Variants in CROCC2 observed in about 807,000 individuals in gnomAD.
The protein encoded by CROCC2 is ciliary rootlet coiled-coil, rootletin family member 2.
A neutral mutation model predicts 177.6 loss-of-function variants in CROCC2; 163 were observed. The observed-to-expected ratio is 0.92, with a 90% CI of 0.81 to 1.05. CROCC2 has a LOEUF of 1.05. Among genes scored for constraint, CROCC2 ranks in the 50% least tolerant of loss-of-function variants. The pLI, the probability that CROCC2 is intolerant of heterozygous loss-of-function variation, is 0.00. For synonymous variants in CROCC2, 904 were observed against 787.3 expected (o/e 1.15, Z -2.48); for missense variants, 1,929 against 1,797.8 (o/e 1.07, Z -1.32).
Position 240,925,831 on chromosome 2 carries a change from T to C in CROCC2, c.596T>C (p.Val199Ala). The change falls in exon 5 of 32, where the codon GTG becomes GCG. Residue 199 changes from valine (V) to alanine (A), a missense_variant. This residue lies in a region of CROCC2 where 1,397 missense variants were observed against 1,239.9 expected (regional missense o/e 1.13). Coordinates refer to ENST00000690015, the MANE Select transcript of CROCC2 (RefSeq NM_001351305.2). ...GRELAGMTGS[V>A]QRLQGELELR... ...GAGCTGGCCGGGATGACGGGCAGCG[T>C]GCAGCGCCTGCAGGGCGAGCTGGAG... The C allele has an allele frequency of 1.4e-6, 1 of 716,170 alleles. No individual in the cohort carries two copies. The highest frequency in any genetic ancestry group is 2.7e-5 in the East Asian group (1 of 37,286). The allele number at this position is 716,170 out of a possible 1,614,324, so 44.4% of individuals were successfully genotyped here. A position where few individuals can be genotyped will look rare whatever the true frequency, so the allele number is the denominator to read the frequency against.
At chr2:240,961,067 G>A (rs1014615191) in intron 20 of CROCC2, among the ~76,000 whole-genome samples, 14 of 152,014 alleles carry the variant, frequency 9.2e-5, no homozygotes, top group African/African-American at 3.1e-4. Flanking sequence ...GCTAAAAGCT[G>A]AGGACGGTTA....
chr2:240,988,532 C>T (rs1392899967), intron 28 of CROCC2, among the ~76,000 whole-genome samples: 1 of 152,196 alleles, frequency 6.6e-6, no homozygotes, highest in Admixed American at 6.5e-5. Context: ...TATGCTCCTC[C>T]TTAAGCTGTC....
chr2:240,950,612 C>G, intron 18 of CROCC2, 102 bp downstream of exon 18: 2 of 1,189,152 alleles, frequency 1.7e-6, no homozygotes, highest in Non-Finnish European at 2.3e-6. Context: ...TAGGCAGGTC[C>G]AACCGCCTAC....
intron 27 of CROCC2, among the ~76,000 whole-genome samples, chr2:240,968,571 T>TG (rs141873895): frequency 0.011 from 1,674 of 151,992 alleles, 29 homozygotes; most frequent in African/African-American, 0.037. Flanking sequence ...GCACAGCGAG[T>TG]GGGGGGCAGA....
intron 14 of CROCC2, among the ~76,000 whole-genome samples, chr2:240,937,583 G>T (rs1208491859): frequency 6.6e-6 from 1 of 152,104 alleles, no homozygotes; most frequent in Non-Finnish European, 1.5e-5. Context: ...TCTAGGTTCT[G>T]TCTGAAAAAT....
chr2:240,933,571 CAG>C, intron 10 of CROCC2, 97 bp from the exon 11 acceptor site: 1 of 1,375,118 alleles, frequency 7.3e-7, no homozygotes, highest in Non-Finnish European at 9.9e-7. Flanking sequence ...CATGCAGTCT[CAG>C]GGGCTGGCAT....
chr2:240,934,888 C>T, intron 12 of CROCC2, 28 bp from the exon 13 acceptor site: 1 of 1,471,614 alleles, frequency 6.8e-7, no homozygotes, highest in South Asian at 1.4e-5. Flanking sequence ...CTGAAGGTCC[C>T]TCCCTGGCAT....
Position 240,950,382 on chromosome 2 carries a change from C to T in CROCC2, c.2701C>T (p.Gln901Ter). Residue 901 changes from glutamine to a stop codon, truncating the protein, a stop_gained, in exon 18 of 32, where the codon CAG (glutamine) becomes TAG (stop). Coordinates refer to ENST00000690015, the MANE Select transcript of CROCC2 (RefSeq NM_001351305.2). LOFTEE classifies it high-confidence loss of function. ...LAEEKEVARC[Q>*]LEQEKELVTK... ...AGAGGAGAAGGAGGTAGCCAGATGC[C>T]AGCTGGAGCAGGAGAAGGAGCTGGT... The T allele has an allele frequency of 1.9e-6, 3 of 1,550,266 alleles. No individual in the cohort carries two copies. The highest frequency in any genetic ancestry group is 2.6e-6 in the Non-Finnish European group (3 of 1,146,802).
chr2:240,972,624 C>A lies in CROCC2; in HGVS notation c.4401+4362C>A, dbSNP rs1180622637. Among the ~76,000 whole-genome samples, 1 of 151,788 alleles carries A rather than the reference C, an allele frequency of 6.6e-6. No individual in the cohort carries two copies. The highest frequency in any genetic ancestry group is 1.5e-5 in the Non-Finnish European group (1 of 67,982). ...TCTCTGACATTGACCAGACCTTTGT[C>A]TGTATGCATTTTTCTGCTTGGTCTA... is the stretch of plus-strand genomic sequence containing the variant. On this transcript the variant is annotated intron_variant, in intron 27 of 31. Transcript: ENST00000690015. The surrounding 1 kb of genome is among the most constrained non-coding windows in gnomAD (Gnocchi z 7.1).
intron 28 of CROCC2, among the ~76,000 whole-genome samples, chr2:240,987,205 G>C (rs532566853): frequency 6.6e-6 from 1 of 152,118 alleles, no homozygotes; most frequent in Non-Finnish European, 1.5e-5. Flanking sequence ...AGCACTGCCC[G>C]GGGACGCAGA....
chr2:240,961,856 G>A lies in CROCC2; in HGVS notation c.3088-1700G>A, dbSNP rs114837283. Among the ~76,000 whole-genome samples the A allele has an allele frequency of 1.8e-3, 33 of 18,426 alleles. 3 individuals carry two copies. The highest frequency in any genetic ancestry group is 0.014 in the South Asian group (11 of 810). The allele number at this position is 18,426 out of a possible 152,430, so 12.1% of individuals were successfully genotyped here. ...GCACACATACACTCATGACACACAC[G>A]CACACACTCATCACACATGCTCATC... On this transcript the variant is annotated intron_variant, in intron 20 of 31. Transcript: ENST00000690015.
At chr2:240,956,095 A>C in intron 19 of CROCC2, 123 bp downstream of exon 19, 1 of 717,228 alleles carries the variant, frequency 1.4e-6, no homozygotes, top group Non-Finnish European at 2.4e-6. Context: ...CCTGAGCCTC[A>C]GTTTCCCCCA....
intron 18 of CROCC2, among the ~76,000 whole-genome samples, chr2:240,951,678 A>ACCAT (rs1553659727): frequency 2.7e-5 from 4 of 148,498 alleles, no homozygotes; most frequent in Non-Finnish European, 4.5e-5. Context: ...AACCCATCTG[A>ACCAT]CCATCCATCC....
chr2:240,956,961 G>A (rs1435247553), intron 19 of CROCC2, among the ~76,000 whole-genome samples: 18 of 152,194 alleles, frequency 1.2e-4, no homozygotes, highest in Admixed American at 1.2e-3. Context: ...AGATGCAGGA[G>A]TTACAGCAGG....
At chr2:240,991,061 G>C in intron 30 of CROCC2, 135 bp from the exon 31 acceptor site, 1 of 576,474 alleles carries the variant, frequency 1.7e-6, no homozygotes, top group Non-Finnish European at 3.0e-6. Flanking sequence ...TCTGTCCCAT[G>C]CATGCCACCT....
At chr2:240,970,300 G>A (rs2059711760) in intron 27 of CROCC2, among the ~76,000 whole-genome samples, 1 of 152,140 alleles carries the variant, frequency 6.6e-6, no homozygotes, top group African/African-American at 2.4e-5. Context: ...CTTTTTTGGT[G>A]TTTGTGGTTT....
intron 28 of CROCC2, chr2:240,986,132 G>T: frequency 2.9e-6 from 1 of 350,464 alleles, no homozygotes; most frequent in Non-Finnish European, 5.8e-6. Flanking sequence ...GTCCTGCACC[G>T]CGACTGGCTC....
chr2:240,959,320 C>A lies in CROCC2; in HGVS notation c.2963C>A (p.Thr988Asn), dbSNP rs902516095. ...CCGCAGGCCACCATCAGTGCCACGA[C>A]TGAGGAGCTGAAGGCCCTCCAGGCC... ...EQAQATISAT[T>N]EELKALQAQF... Residue 988 changes from threonine (T) to asparagine (N), a missense_variant, in exon 20 of 32, where the codon ACT becomes AAT. By Grantham distance (65) the Thr-to-Asn change is moderately conservative. Coordinates refer to ENST00000690015, the MANE Select transcript of CROCC2 (RefSeq NM_001351305.2). 3.7e-5 allele frequency: 57 copies of A among 1,550,486 alleles called. No homozygotes were observed. In the African/African-American group the frequency reaches 6.4e-4, roughly 17 times the overall value.
chr2:240,907,901 CTCTACCTCCTCCACCTGGGGTGAG>C (rs2059267274), intron 1 of CROCC2, among the ~76,000 whole-genome samples: 2 of 63,014 alleles, frequency 3.2e-5, no homozygotes, highest in Admixed American at 2.9e-4. Flanking sequence ...CTGGGGTGAG[CTCTACCTCCTCCACCTGGGGTGAG>C]CTCTACCTCC....
Sources: allele counts gnomAD v4.1 joint callset (sites outside exome capture counted in the v4.1 genomes callset), GRCh38; gene constraint gnomAD v4.1.1; regional missense constraint gnomAD v4.1.1; non-coding constraint Gnocchi (gnomAD v3.1); transcripts MANE v1.5; gene names NCBI Gene and HGNC (gene_info 2026-07-23, HGNC 2026-07-21).